The following EYA1 variants were observed in gnomAD, a reference collection of about 807,000 sequenced individuals.
The protein encoded by EYA1 is EYA transcriptional coactivator and phosphatase 1.
Under a neutral mutation model 82.0 loss-of-function variants are expected in EYA1, and 16 were observed. The observed-to-expected ratio is 0.20, with a 90% confidence interval of 0.13 to 0.30. EYA1 has a LOEUF of 0.30. Among genes scored for constraint, EYA1 ranks in the 10% least tolerant of loss-of-function variants. EYA1 has a pLI of 1.00. For synonymous variants in EYA1, 261 were observed against 264.4 expected, an observed-to-expected ratio of 0.99 and a Z score of 0.12; for missense variants, 633 against 730.7, an observed-to-expected ratio of 0.87 and a Z score of 1.54.
intron 11 of EYA1, among the ~76,000 whole-genome samples, chr8:71,249,889 T>C (rs1001964693): frequency 1.3e-5 from 2 of 152,212 alleles, no homozygotes; most frequent in Non-Finnish European, 2.9e-5. Flanking sequence ...ATTCATTCTT[T>C]AGAGGAATGG....
intron 7 of EYA1, among the ~76,000 whole-genome samples, chr8:71,306,587 A>G (rs1380569851): frequency 6.6e-6 from 1 of 152,124 alleles, no homozygotes; most frequent in East Asian, 1.9e-4. Context: ...CTCCCCATGC[A>G]CAGCTCACCA....
intron 2 of EYA1, among the ~76,000 whole-genome samples, chr8:71,415,741 C>T (rs76848980): frequency 0.025 from 3,830 of 152,266 alleles, 159 homozygotes; most frequent in African/African-American, 0.085. Context: ...AGAGGCATCA[C>T]GGCTCCTGTG....
At chr8:71,467,900 G>A (rs1405355121) in intron 2 of EYA1, among the ~76,000 whole-genome samples, 2 of 151,866 alleles carry the variant, frequency 1.3e-5, no homozygotes, top group Non-Finnish European at 2.9e-5. Flanking sequence ...CCTTTTCTTG[G>A]TTAGATGATT....
At chr8:71,413,756 G>A (rs904792082) in intron 2 of EYA1, among the ~76,000 whole-genome samples, 1 of 152,166 alleles carries the variant, frequency 6.6e-6, no homozygotes, top group Non-Finnish European at 1.5e-5. Context: ...TTGTGGTGAT[G>A]TTTGTGATTA....
At chr8:71,243,054 A>C (rs1001728394) in intron 12 of EYA1, among the ~76,000 whole-genome samples, 5 of 152,204 alleles carry the variant, frequency 3.3e-5, no homozygotes, top group African/African-American at 1.2e-4. Context: ...CTGGGATTAC[A>C]GGCATGAGCC....
chr8:71,490,539 C>G (rs1563667804), intron 2 of EYA1, among the ~76,000 whole-genome samples: 1 of 151,860 alleles, frequency 6.6e-6, no homozygotes, highest in Non-Finnish European at 1.5e-5. Flanking sequence ...ATATTGGACA[C>G]ATCAACACCA....
intron 4 of EYA1, among the ~76,000 whole-genome samples, chr8:71,325,085 C>T (rs1055498275): frequency 1.3e-5 from 2 of 152,184 alleles, no homozygotes; most frequent in Non-Finnish European, 2.9e-5. Flanking sequence ...GGATAAATTC[C>T]AAATTCCTTG....
At chr8:71,492,446 G>GTTTA (rs575948224) in intron 2 of EYA1, among the ~76,000 whole-genome samples, 1 of 150,988 alleles carries the variant, frequency 6.6e-6, no homozygotes, top group Non-Finnish European at 1.5e-5. Flanking sequence ...CAGAATGACA[G>GTTTA]TTTATTTATT....
chr8:71,278,208 T>A (rs1050692862), intron 9 of EYA1, among the ~76,000 whole-genome samples: 2 of 147,430 alleles, frequency 1.4e-5, no homozygotes, highest in African/African-American at 5.4e-5. Context: ...TAGTTCTTTG[T>A]CTCTCTCTCT....
intron 2 of EYA1, among the ~76,000 whole-genome samples, chr8:71,513,563 G>T (rs1812751552): frequency 6.6e-6 from 1 of 151,962 alleles, no homozygotes; most frequent in African/African-American, 2.4e-5. Context: ...AGGGTAAATG[G>T]GGCAACCATC....
At chr8:71,424,806 T>C (rs1288746586) in intron 2 of EYA1, among the ~76,000 whole-genome samples, 2 of 152,098 alleles carry the variant, frequency 1.3e-5, no homozygotes, top group African/African-American at 4.8e-5. Context: ...TATAGTCTAC[T>C]GGGTTACATG....
chr8:71,315,931 CT>C (rs2129021749), intron 7 of EYA1, among the ~76,000 whole-genome samples: 1 of 152,124 alleles, frequency 6.6e-6, no homozygotes, highest in South Asian at 2.1e-4. Flanking sequence ...GGTTAATGAT[CT>C]TGTCCACTAA....
intron 2 of EYA1, among the ~76,000 whole-genome samples, chr8:71,437,803 A>G (rs1806119472): frequency 6.6e-6 from 1 of 152,032 alleles, no homozygotes; most frequent in South Asian, 2.1e-4. Flanking sequence ...ATCTGAAGAG[A>G]CTACATATTG....
chr8:71,516,192 A>G (rs777134737), intron 2 of EYA1, among the ~76,000 whole-genome samples: 5 of 152,240 alleles, frequency 3.3e-5, no homozygotes, highest in Non-Finnish European at 5.9e-5. Flanking sequence ...TCTTTCATTC[A>G]TTTATTCATT....
At chr8:71,395,103 G>A (rs1317549676) in intron 2 of EYA1, among the ~76,000 whole-genome samples, 1 of 152,074 alleles carries the variant, frequency 6.6e-6, no homozygotes, top group Admixed American at 6.6e-5. Context: ...GTCTGTTATT[G>A]GTGTATAAGA....
intron 9 of EYA1, among the ~76,000 whole-genome samples, chr8:71,280,823 A>T (rs900122814): frequency 6.6e-6 from 1 of 152,088 alleles, no homozygotes; most frequent in Non-Finnish European, 1.5e-5. Context: ...ATCACAGTTC[A>T]CTGCAGCCTT....
chr8:71,237,793 C>T, intron 12 of EYA1, among the ~76,000 whole-genome samples: 1 of 152,052 alleles, frequency 6.6e-6, no homozygotes, highest in Non-Finnish European at 1.5e-5. Flanking sequence ...TGTGAGCCAA[C>T]AATATGTGTG....
At chr8:71,424,813 C>A (rs1415002837) in intron 2 of EYA1, among the ~76,000 whole-genome samples, 1 of 152,098 alleles carries the variant, frequency 6.6e-6, no homozygotes, top group African/African-American at 2.4e-5. Flanking sequence ...TACTGGGTTA[C>A]ATGTGACTTC....
chr8:71,503,209 C>T (rs1033176648), intron 2 of EYA1, among the ~76,000 whole-genome samples: 6 of 152,126 alleles, frequency 3.9e-5, no homozygotes, highest in Admixed American at 2.0e-4. Flanking sequence ...AAAAGGGAAG[C>T]GATCAGCTGG....
Sources: allele counts gnomAD v4.1 joint callset (sites outside exome capture counted in the v4.1 genomes callset), GRCh38; gene constraint gnomAD v4.1.1; transcripts MANE v1.5; gene names NCBI Gene and HGNC (gene_info 2026-07-23, HGNC 2026-07-21).